Variants in CAMTA1 observed in about 807,000 individuals in gnomAD.
CAMTA1 encodes the protein calmodulin binding transcription activator 1, also known as calmodulin-binding transcription activator 1.
A neutral mutation model predicts 170.9 loss-of-function variants in CAMTA1; 27 were observed. The observed-to-expected ratio is 0.16, with a 90% confidence interval of 0.12 to 0.22. The LOEUF (loss-of-function observed/expected upper bound fraction) is 0.22. Among genes scored for constraint, CAMTA1 ranks in the 10% least tolerant of loss-of-function variants. CAMTA1 has a pLI of 1.00. For missense variants in CAMTA1, 1,619 were observed against 2,217.2 expected (o/e 0.73, Z 5.42); for synonymous variants, 833 against 891.5 (o/e 0.93, Z 1.17).
intron 8 of CAMTA1, 105 bp from the exon 9 acceptor site, chr1:7,663,248 G>T: frequency 1.4e-6 from 2 of 1,420,216 alleles, no homozygotes; most frequent in Non-Finnish European, 1.9e-6. Flanking sequence ...CCGCTGTGGG[G>T]CAGGTCCACC....
chr1:6,871,693 A>T (rs2148992101), intron 3 of CAMTA1: 1 of 1,405,508 alleles, frequency 7.1e-7, no homozygotes, highest in African/African-American at 1.4e-5. Context: ...GAATCTTTTC[A>T]AGAGCTTGAT....
At chr1:6,857,100 T>TGA (rs1662722868) in intron 3 of CAMTA1, among the ~76,000 whole-genome samples, 1 of 151,486 alleles carries the variant, frequency 6.6e-6, no homozygotes, top group Admixed American at 6.7e-5. Context: ...TGTGGGGTGC[T>TGA]GAGTGGTCAG....
intron 3 of CAMTA1, among the ~76,000 whole-genome samples, chr1:7,058,716 A>G (rs1359407926): frequency 6.6e-6 from 1 of 152,208 alleles, no homozygotes; most frequent in Non-Finnish European, 1.5e-5. Context: ...GGGTCTGAAC[A>G]TAGAGGCCAG....
At chr1:7,488,644 A>C (rs2093654364) in intron 6 of CAMTA1, among the ~76,000 whole-genome samples, 2 of 152,226 alleles carry the variant, frequency 1.3e-5, no homozygotes, top group Non-Finnish European at 2.9e-5. Flanking sequence ...TATACATATA[A>C]GCACATATGT....
Position 6,971,382 on chromosome 1 carries a change from G to T in CAMTA1, c.235-119922G>T, listed in dbSNP as rs1692513196. Among the ~76,000 whole-genome samples the T allele has an allele frequency of 6.6e-6, 1 of 152,212 alleles. No individual in the cohort carries two copies. The highest frequency in any genetic ancestry group is 2.4e-5 in the African/African-American group (1 of 41,436). ...CGGATTGTATCCGTGTCATTCTGCTGCCACTTTAATGAGGACTGAGAATAA... is the reference window on the plus strand; with the variant it reads ...CGGATTGTATCCGTGTCATTCTGCTTCCACTTTAATGAGGACTGAGAATAA... On this transcript the variant is annotated intron_variant, in intron 3 of 22. Transcript: ENST00000303635. This position sits in a 1 kb window ranked among gnomAD's most constrained non-coding sequence, Gnocchi z 4.6.
chr1:7,510,142 GCACTCGAGATAACACTCCC>G (rs780449672), intron 6 of CAMTA1, among the ~76,000 whole-genome samples: 10 of 134,198 alleles, frequency 7.5e-5, no homozygotes, highest in Non-Finnish European at 1.5e-4. Flanking sequence ...TGGTACGACG[GCACTCGAGATAACACTCCC>G]CGTTTTCATT....
At chr1:6,846,444 T>C (rs1056468304) in intron 3 of CAMTA1, among the ~76,000 whole-genome samples, 2 of 152,266 alleles carry the variant, frequency 1.3e-5, no homozygotes, top group African/African-American at 4.8e-5. Context: ...AATAAAGATA[T>C]GCAGCTTTCC....
At chr1:7,327,854 G>GTTTT (rs1305362401) in intron 5 of CAMTA1, among the ~76,000 whole-genome samples, 8 of 152,068 alleles carry the variant, frequency 5.3e-5, no homozygotes, top group African/African-American at 1.9e-4. Flanking sequence ...TGAACTCTCA[G>GTTTT]GTTTTGTTTT....
chr1:7,118,032 AG>A (rs1644433799), intron 4 of CAMTA1, among the ~76,000 whole-genome samples: 1 of 152,108 alleles, frequency 6.6e-6, no homozygotes, highest in Non-Finnish European at 1.5e-5. Flanking sequence ...TGGCTTACAA[AG>A]GCTTCATTAC....
intron 3 of CAMTA1, among the ~76,000 whole-genome samples, chr1:7,034,257 G>C (rs1356854804): frequency 1.3e-5 from 2 of 151,986 alleles, no homozygotes; most frequent in African/African-American, 4.8e-5. Context: ...TCCCAGGTTT[G>C]AGCAATTCTC....
At chr1:7,409,262 A>G (rs913800246) in intron 5 of CAMTA1, among the ~76,000 whole-genome samples, 1 of 152,224 alleles carries the variant, frequency 6.6e-6, no homozygotes, top group African/African-American at 2.4e-5. Context: ...ATGGTGGGAA[A>G]GAGCACGACC....
At chr1:6,846,174 A>G (rs1402453048) in intron 3 of CAMTA1, among the ~76,000 whole-genome samples, 1 of 152,254 alleles carries the variant, frequency 6.6e-6, no homozygotes, top group Non-Finnish European at 1.5e-5. Flanking sequence ...GCCAAACCAT[A>G]TAAGATACAT....
At chr1:6,993,638 C>A (rs181423603) in intron 3 of CAMTA1, among the ~76,000 whole-genome samples, 11 of 146,022 alleles carry the variant, frequency 7.5e-5, no homozygotes, top group Admixed American at 6.7e-4. Flanking sequence ...TTCTGGTAAA[C>A]TGTTTGTCTT....
chr1:7,657,539 G>T (rs1444050990), intron 7 of CAMTA1, among the ~76,000 whole-genome samples: 3 of 152,186 alleles, frequency 2.0e-5, no homozygotes, highest in Non-Finnish European at 4.4e-5. Context: ...TTTTAACGCG[G>T]TTTCCCTTTT....
At chr1:7,033,750 T>C (rs1703140143) in intron 3 of CAMTA1, among the ~76,000 whole-genome samples, 1 of 151,826 alleles carries the variant, frequency 6.6e-6, no homozygotes, top group Admixed American at 6.6e-5. Flanking sequence ...TATGCCACCA[T>C]GTCTGGCTAA....
chr1:7,357,441 C>A (rs1297869917), intron 5 of CAMTA1, among the ~76,000 whole-genome samples: 2 of 152,310 alleles, frequency 1.3e-5, no homozygotes, highest in East Asian at 1.9e-4. Flanking sequence ...TGGCACTGCC[C>A]CACCTGGCTG....
At chr1:7,506,359 G>T (rs114034823) in intron 6 of CAMTA1, among the ~76,000 whole-genome samples, 2,611 of 152,294 alleles carry the variant, frequency 0.017, 35 homozygotes, top group Non-Finnish European at 0.027. Flanking sequence ...CAGGGGGAAG[G>T]TTGGAGGTTT....
At position 6,838,878 on chromosome 1, in the gene CAMTA1, T is replaced by G. The variant is rs138194025; in HGVS notation, c.234+13668T>G. 7.2e-5 allele frequency among the ~76,000 whole-genome samples: 11 copies of G among 152,236 alleles called. No individual in the cohort carries two copies. In the East Asian group the frequency reaches 2.1e-3, roughly 30 times the overall value. On this transcript the variant is annotated intron_variant, in intron 3 of 22. Coordinates refer to ENST00000303635, the MANE Select transcript of CAMTA1 (RefSeq NM_015215.4). ...CCCAAGAGATCCTCCTGCCTCAGCC[T>G]CCTGAATGGTTAGGACTACAGGCAT...
intron 3 of CAMTA1, among the ~76,000 whole-genome samples, chr1:7,081,157 C>T (rs540950152): frequency 6.6e-6 from 1 of 152,326 alleles, no homozygotes; most frequent in African/African-American, 2.4e-5. Context: ...GGGACTGTCT[C>T]CTGAGGGTAC....
Sources: allele counts gnomAD v4.1 joint callset (sites outside exome capture counted in the v4.1 genomes callset), GRCh38; gene constraint gnomAD v4.1.1; non-coding constraint Gnocchi (gnomAD v3.1); transcripts MANE v1.5; gene names NCBI Gene and HGNC (gene_info 2026-07-23, HGNC 2026-07-21).